KCNQ5: variants seen among roughly 807,000 people sequenced by gnomAD.
KCNQ5 encodes the protein potassium voltage-gated channel subfamily Q member 5, also known as potassium voltage-gated channel subfamily KQT member 5.
A neutral mutation model predicts 98.2 loss-of-function variants in KCNQ5; 30 were observed. That is an observed-to-expected ratio of 0.31 (90% CI 0.23 to 0.41). KCNQ5 has a LOEUF of 0.41. Ranked by LOEUF, KCNQ5 falls within the 10% of genes least tolerant of loss-of-function variation. The pLI, the probability that KCNQ5 is intolerant of heterozygous loss-of-function variation, is 1.00. For missense variants in KCNQ5, 835 were observed against 1,182.5 expected (o/e 0.71, Z 4.31); for synonymous variants, 458 against 449.4 (o/e 1.02, Z -0.24).
At chr6:72,699,074 C>G (rs1768664295) in intron 1 of KCNQ5, among the ~76,000 whole-genome samples, 1 of 151,928 alleles carries the variant, frequency 6.6e-6, no homozygotes, top group Non-Finnish European at 1.5e-5. Flanking sequence ...CAGAAGGTAC[C>G]CATTCTAACA....
chr6:73,011,858 A>G (rs1485799339), intron 2 of KCNQ5, among the ~76,000 whole-genome samples: 1 of 152,110 alleles, frequency 6.6e-6, no homozygotes, highest in African/African-American at 2.4e-5. Flanking sequence ...GCCAATAAGC[A>G]CATGAAAAGA....
rs548594070 is a variant in KCNQ5, at chr6:73,039,165, G to A, written c.490-2771G>A. ...AGTACTCCTTCATTTTTTCAGTGGC[G>A]TAGAATCTATACTGATATCCCCTAT... On this transcript the variant is annotated intron_variant, in intron 2 of 13. Transcript: ENST00000370398. Among the ~76,000 whole-genome samples, 22 of 152,180 alleles carry A rather than the reference G, an allele frequency of 1.4e-4. No homozygotes were observed. In the East Asian group the frequency reaches 2.1e-3, roughly 15 times the overall value.
intron 1 of KCNQ5, among the ~76,000 whole-genome samples, chr6:72,644,151 A>G (rs1695842969): frequency 6.6e-6 from 1 of 152,222 alleles, no homozygotes. Flanking sequence ...TGAATTAGCA[A>G]ATACCGACTC....
In KCNQ5 at chr6:72,622,692, A is replaced by G. The variant is rs1054990313; in HGVS notation, c.398+105A>G. The G allele has an allele frequency of 1.6e-6, 2 of 1,259,768 alleles. No individual in the cohort carries two copies. The highest frequency in any genetic ancestry group is 1.5e-5 in the African/African-American group (1 of 65,574). The allele number at this position is 1,259,768 out of a possible 1,614,324, so 78.0% of individuals were successfully genotyped here. A position where few individuals can be genotyped will look rare whatever the true frequency, so the allele number is the denominator to read the frequency against. On this transcript the variant is annotated intron_variant, in intron 1 of 13. Transcript: ENST00000370398. This position sits in a 1 kb window ranked among gnomAD's most constrained non-coding sequence, Gnocchi z 6.0. ...CCCTTGGGCCCCCGCGCGCGTGCAC[A>G]CGTGGTGGCTTTTATTTCTTCGCAC... is the stretch of plus-strand genomic sequence containing the variant.
At chr6:72,801,920 G>A (rs1435435337) in intron 1 of KCNQ5, among the ~76,000 whole-genome samples, 5 of 152,090 alleles carry the variant, frequency 3.3e-5, no homozygotes, top group Non-Finnish European at 4.4e-5. Context: ...TTCTGGGTTG[G>A]AAATTCTTTT....
intron 1 of KCNQ5, among the ~76,000 whole-genome samples, chr6:72,851,774 T>G (rs1194529125): frequency 6.7e-6 from 1 of 149,816 alleles, no homozygotes; most frequent in Non-Finnish European, 1.5e-5. Context: ...ATTAATAAAG[T>G]TAAGAATAGT....
In KCNQ5 at chr6:72,638,086, G is replaced by A. The variant is rs533013983; in HGVS notation, c.398+15499G>A. On this transcript the variant is annotated intron_variant, in intron 1 of 13. Coordinates refer to ENST00000370398, the MANE Select transcript of KCNQ5 (RefSeq NM_019842.4). ...TCGTCCTGCAATCCTTCCAAAGGTA[G>A]GACAGGAAGCATAATAGGAAAGAAA... Among the ~76,000 whole-genome samples, 6 of 152,282 alleles carry A rather than the reference G, an allele frequency of 3.9e-5. No individual in the cohort carries two copies. The South Asian group carries it at 1.2e-3, about 32-fold the overall frequency.
At chr6:73,124,968 T>C (rs868369227) in intron 9 of KCNQ5, among the ~76,000 whole-genome samples, 5 of 10,632 alleles carry the variant, frequency 4.7e-4, no homozygotes, top group African/African-American at 2.1e-3. Context: ...TATATATATA[T>C]ATATATATAT....
intron 1 of KCNQ5, among the ~76,000 whole-genome samples, chr6:72,755,417 C>T (rs1258257597): frequency 6.6e-6 from 1 of 151,822 alleles, no homozygotes; most frequent in Non-Finnish European, 1.5e-5. Context: ...TTCTTTGTTC[C>T]TTTTCCTTCT....
At chr6:73,050,522 C>T (rs535966568) in intron 3 of KCNQ5, among the ~76,000 whole-genome samples, 5 of 152,118 alleles carry the variant, frequency 3.3e-5, no homozygotes, top group Non-Finnish European at 7.4e-5. Flanking sequence ...ACGTATACTG[C>T]AATTATCAAA....
At chr6:72,950,857 G>C (rs1766771260) in intron 1 of KCNQ5, among the ~76,000 whole-genome samples, 1 of 152,166 alleles carries the variant, frequency 6.6e-6, no homozygotes, top group East Asian at 1.9e-4. Flanking sequence ...ATGTCATAAG[G>C]ATTAATCATC....
chr6:72,695,592 T>C (rs996013004), intron 1 of KCNQ5, among the ~76,000 whole-genome samples: 1 of 152,190 alleles, frequency 6.6e-6, no homozygotes, highest in African/African-American at 2.4e-5. Flanking sequence ...TCAGAACATA[T>C]ACATGCCATT....
At chr6:72,795,539 A>G (rs747269605) in intron 1 of KCNQ5, among the ~76,000 whole-genome samples, 1 of 152,242 alleles carries the variant, frequency 6.6e-6, no homozygotes, top group East Asian at 1.9e-4. Flanking sequence ...GTAGTTGAAC[A>G]TTATCAATTT....
intron 1 of KCNQ5, among the ~76,000 whole-genome samples, chr6:72,633,906 A>G (rs142521239): frequency 3.9e-5 from 6 of 152,358 alleles, no homozygotes; most frequent in African/African-American, 7.2e-5. Flanking sequence ...AAAGATTTAA[A>G]TATAAGACCT....
intron 11 of KCNQ5, among the ~76,000 whole-genome samples, chr6:73,178,244 C>T (rs1216790115): frequency 1.4e-5 from 2 of 142,612 alleles, no homozygotes; most frequent in Non-Finnish European, 3.0e-5. Context: ...TCTGGAAGTT[C>T]TTGCTTGGGT....
chr6:73,067,087 G>A (rs144174056), intron 3 of KCNQ5, among the ~76,000 whole-genome samples: 2,621 of 152,132 alleles, frequency 0.017, 66 homozygotes, highest in African/African-American at 0.058. Context: ...CTATTTGCAC[G>A]TAGTTATATT....
chr6:72,703,240 C>A (rs1768915122), intron 1 of KCNQ5, among the ~76,000 whole-genome samples: 1 of 152,222 alleles, frequency 6.6e-6, no homozygotes, highest in African/African-American at 2.4e-5. Flanking sequence ...TCCTGCCCTT[C>A]CCAGCATCTT....
chr6:72,977,157 C>A (rs1393385043), intron 1 of KCNQ5, among the ~76,000 whole-genome samples: 3 of 152,104 alleles, frequency 2.0e-5, no homozygotes, highest in African/African-American at 7.2e-5. Flanking sequence ...AACACAGATT[C>A]TCATTTTGAG....
intron 1 of KCNQ5, among the ~76,000 whole-genome samples, chr6:72,699,346 G>T (rs929939360): frequency 6.6e-6 from 1 of 152,172 alleles, no homozygotes; most frequent in Non-Finnish European, 1.5e-5. Flanking sequence ...CTAAAGATGA[G>T]ATCAGTGGTT....
Sources: gnomAD v4.1 joint callset for allele counts (sites outside exome capture counted in the v4.1 genomes callset) on GRCh38, gnomAD v4.1.1 for gene constraint, Gnocchi (gnomAD v3.1) non-coding constraint, MANE v1.5 for transcripts, NCBI Gene and HGNC (gene_info 2026-07-23, HGNC 2026-07-21) for gene names.